The following HEXB variants were observed in gnomAD, a reference collection of about 807,000 sequenced individuals.
HEXB encodes beta-hexosaminidase subunit beta.
A neutral mutation model predicts 71.2 loss-of-function variants in HEXB; 51 were observed. That is an observed-to-expected ratio of 0.72 (90% CI 0.57 to 0.90). The LOEUF (loss-of-function observed/expected upper bound fraction) is 0.90. HEXB is among the 40% of genes least tolerant of loss of function. HEXB has a pLI of 0.00. For missense variants in HEXB, 617 were observed against 677.0 expected (o/e 0.91, Z 0.98); for synonymous variants, 266 against 249.3 (o/e 1.07, Z -0.63).
intron 10 of HEXB, 62 bp from the exon 11 acceptor site, chr5:74,718,735 C>G: frequency 4.2e-5 from 63 of 1,490,482 alleles, no homozygotes; most frequent in Non-Finnish European, 5.3e-5. Flanking sequence ...ATGCCTTAAA[C>G]TTTCAATTTC....
chr5:74,671,010 G>T (rs1353383144), intron 1 of HEXB, among the ~76,000 whole-genome samples: 1 of 152,138 alleles, frequency 6.6e-6, no homozygotes, highest in Non-Finnish European at 1.5e-5. Flanking sequence ...TCCCAGCAAG[G>T]CTGGCAGGAA....
chr5:74,667,771 G>A lies in HEXB; in HGVS notation c.-376-21557G>A, dbSNP rs536757490. Among the ~76,000 whole-genome samples the A allele has an allele frequency of 4.2e-4, 64 of 152,216 alleles. 1 individual carries two copies. The highest frequency in any genetic ancestry group is 2.7e-3 in the South Asian group (13 of 4,818). ...TCCAATCATTCCCTAACCCCGTGTC[G>A]TTAGATTTCAACAACAGTATTCAAA... On this transcript the variant is annotated intron_variant, in intron 1 of 13. Coordinates refer to the HEXB transcript ENST00000511181.
chr5:74,674,848 A>G (rs1202478673), intron 1 of HEXB, among the ~76,000 whole-genome samples: 2 of 152,182 alleles, frequency 1.3e-5, no homozygotes, highest in East Asian at 3.9e-4. Flanking sequence ...GTAACTAAGC[A>G]TTGAATGACT....
At chr5:74,682,684 AC>A (rs1748761380), upstream of HEXB, among the ~76,000 whole-genome samples, 2 of 152,234 alleles carry the variant, frequency 1.3e-5, no homozygotes, top group Non-Finnish European at 2.9e-5. Context: ...GCTTCCATTG[AC>A]AGTAAAAAGT....
At chr5:74,718,440 G>A in intron 10 of HEXB, 77 bp downstream of exon 10, 1 of 1,055,056 alleles carries the variant, frequency 9.5e-7, no homozygotes, top group South Asian at 1.3e-5. Context: ...GAATTTGCAA[G>A]TCTAACTACT....
At chr5:74,714,419 A>G (rs138931969) in intron 7 of HEXB, among the ~76,000 whole-genome samples, 1 of 152,380 alleles carries the variant, frequency 6.6e-6, no homozygotes, top group East Asian at 1.9e-4. Context: ...GGTAACACTT[A>G]AAATGCTTTT....
intron 6 of HEXB, among the ~76,000 whole-genome samples, chr5:74,707,954 T>C (rs939201647): frequency 1.8e-4 from 27 of 151,908 alleles, no homozygotes; most frequent in Non-Finnish European, 3.7e-4. Flanking sequence ...ACAAACATAC[T>C]CCTCGAGAAG....
In HEXB at chr5:74,720,439, CAG is replaced by C. The variant is rs751488725; in HGVS notation, c.1431_1432del (p.Lys478ThrfsTer19). 3.1e-6 allele frequency: 5 copies of C among 1,611,074 alleles called. No homozygotes were observed. Among genetic ancestry groups the C allele is most frequent in the Admixed American group, 3.3e-5 (2 of 60,022 alleles). ...EPLDFGGTQK[Q>X]KQLFIGGEAC... ...TGATTTTAATTTAGGTACTCAGAAA[CAG>C]AAACAACTTTTCATTGGTGGAGAAG... On this transcript the variant is annotated frameshift_variant, in exon 12 of 14. Transcript: ENST00000261416. LOFTEE classifies it high-confidence loss of function.
At position 74,652,652 on chromosome 5, in the gene HEXB, TA is replaced by T. The variant is rs1748141058; in HGVS notation, c.-377+12095del. Among the ~76,000 whole-genome samples the T allele has an allele frequency of 6.6e-6, 1 of 152,146 alleles. No homozygotes were observed. The highest frequency in any genetic ancestry group is 1.5e-5 in the Non-Finnish European group (1 of 68,020). On this transcript the variant is annotated intron_variant, in intron 1 of 13. Transcript: ENST00000511181. The surrounding 1 kb of genome is among the most constrained non-coding windows in gnomAD (Gnocchi z 5.4). ...GAGTCATGTAAGGGATTCCCTCCCT[TA>T]CCCCCACTACCCCCAGGATTGTGTC...
intron 5 of HEXB, 51 bp downstream of exon 5, chr5:74,697,157 T>G: frequency 1.1e-6 from 1 of 895,890 alleles, no homozygotes; most frequent in Non-Finnish European, 1.9e-6. Flanking sequence ...GATGTCTCCT[T>G]TATGTTGTAA....
chr5:74,651,091 A>T (rs905898219), intron 1 of HEXB, among the ~76,000 whole-genome samples: 4 of 152,224 alleles, frequency 2.6e-5, no homozygotes, highest in Non-Finnish European at 5.9e-5. Context: ...ATTCATAGAG[A>T]TCTTCAGTTT....
chr5:74,675,330 G>C (rs191392069), intron 1 of HEXB, among the ~76,000 whole-genome samples: 1 of 152,096 alleles, frequency 6.6e-6, no homozygotes, highest in Non-Finnish European at 1.5e-5. Context: ...GCTAGAACTG[G>C]GCTATGGAGG....
At chr5:74,702,733 T>C (rs1443649674) in intron 5 of HEXB, among the ~76,000 whole-genome samples, 1 of 152,224 alleles carries the variant, frequency 6.6e-6, no homozygotes, top group Non-Finnish European at 1.5e-5. Context: ...TCACTAGTTT[T>C]AGCATCCACA....
chr5:74,691,950 A>G (rs3756444), intron 2 of HEXB, among the ~76,000 whole-genome samples: 62,250 of 151,994 alleles, frequency 0.41, 13,495 homozygotes, highest in African/African-American at 0.56. Context: ...TGGAAATTCT[A>G]TAGCTATGTG....
At chr5:74,665,771 A>T (rs1271595044) in intron 1 of HEXB, among the ~76,000 whole-genome samples, 1 of 152,102 alleles carries the variant, frequency 6.6e-6, no homozygotes, top group East Asian at 1.9e-4. Context: ...CTTTTTTTTT[A>T]AGCCAGTTCC....
intron 12 of HEXB, 42 bp from the exon 13 acceptor site, chr5:74,720,601 A>C (rs1236489475): frequency 6.2e-7 from 1 of 1,604,610 alleles, no homozygotes; most frequent in South Asian, 1.1e-5. Context: ...GCTAAACATA[A>C]ATTTAAACTG....
At chr5:74,712,385 CT>C in intron 6 of HEXB, among the ~76,000 whole-genome samples, 1 of 151,092 alleles carries the variant, frequency 6.6e-6, no homozygotes, top group Non-Finnish European at 1.5e-5. Context: ...ACATACGTAA[CT>C]AACCTGCACA....
chr5:74,669,546 C>G (rs17646591), intron 1 of HEXB, among the ~76,000 whole-genome samples: 6,733 of 152,220 alleles, frequency 0.044, 185 homozygotes, highest in South Asian at 0.094. Flanking sequence ...TCTCCCTGAT[C>G]TGTCATGTCT....
intron 1 of HEXB, among the ~76,000 whole-genome samples, chr5:74,648,904 T>C (rs1372483414): frequency 6.6e-6 from 1 of 152,194 alleles, no homozygotes; most frequent in Non-Finnish European, 1.5e-5. Context: ...AAACCAGGAA[T>C]GGAACACTGT....
Sources: gnomAD v4.1 joint callset for allele counts (sites outside exome capture counted in the v4.1 genomes callset) on GRCh38, gnomAD v4.1.1 for gene constraint, Gnocchi (gnomAD v3.1) non-coding constraint, MANE v1.5 for transcripts, NCBI Gene and HGNC (gene_info 2026-07-23, HGNC 2026-07-21) for gene names.